RIMS2: variants seen among roughly 807,000 people sequenced by gnomAD.
The protein encoded by RIMS2 is regulating synaptic membrane exocytosis 2.
A neutral mutation model predicts 174.4 loss-of-function variants in RIMS2; 59 were observed. That is an observed-to-expected ratio of 0.34 (90% confidence interval 0.27 to 0.42). RIMS2 has a LOEUF of 0.42. RIMS2 is among the 10% of genes least tolerant of loss of function. RIMS2 has a pLI of 1.00. For missense variants in RIMS2, 1,620 were observed against 1,666.3 expected, an observed-to-expected ratio of 0.97 and a Z score of 0.48; for synonymous variants, 606 against 572.5, an observed-to-expected ratio of 1.06 and a Z score of -0.84.
intron 2 of RIMS2, among the ~76,000 whole-genome samples, chr8:103,759,732 G>T (rs1178404589): frequency 2.6e-5 from 4 of 152,158 alleles, no homozygotes; most frequent in African/African-American, 9.7e-5. Flanking sequence ...AGAAGAAGCT[G>T]CAGAATAGAC....
chr8:103,536,150 A>C (rs1034112879), intron 1 of RIMS2, among the ~76,000 whole-genome samples: 6 of 152,162 alleles, frequency 3.9e-5, no homozygotes, highest in Non-Finnish European at 5.9e-5. Flanking sequence ...TTTTCTGGGA[A>C]TGGAAACTGC....
At chr8:103,913,385 G>C (rs563465372) in intron 6 of RIMS2, among the ~76,000 whole-genome samples, 2 of 152,020 alleles carry the variant, frequency 1.3e-5, no homozygotes, top group South Asian at 4.1e-4. Context: ...AGTGGGCTGT[G>C]ATCACACCAC....
At chr8:104,096,900 A>G (rs1402081790) in intron 19 of RIMS2, among the ~76,000 whole-genome samples, 1 of 151,978 alleles carries the variant, frequency 6.6e-6, no homozygotes, top group Admixed American at 6.6e-5. Context: ...AAAAAGAAAA[A>G]GAAAATGTTG....
At chr8:103,764,930 C>T (rs2098152151) in intron 2 of RIMS2, among the ~76,000 whole-genome samples, 1 of 151,920 alleles carries the variant, frequency 6.6e-6, no homozygotes, top group Middle Eastern at 3.4e-3. Context: ...AATGAAAGAA[C>T]AAAATAATAA....
At chr8:103,802,950 C>G (rs1220469343) in intron 3 of RIMS2, among the ~76,000 whole-genome samples, 3 of 152,144 alleles carry the variant, frequency 2.0e-5, no homozygotes. Flanking sequence ...TTAAATTGGT[C>G]AATTCATAAT....
chr8:103,758,932 G>T (rs557061763), intron 2 of RIMS2, among the ~76,000 whole-genome samples: 20 of 152,282 alleles, frequency 1.3e-4, no homozygotes, highest in African/African-American at 4.8e-4. Context: ...TCGATGAAAT[G>T]GGAAGACTGA....
intron 19 of RIMS2, among the ~76,000 whole-genome samples, chr8:104,169,666 A>G (rs1055366008): frequency 2.0e-5 from 3 of 151,348 alleles, no homozygotes; most frequent in African/African-American, 7.3e-5. Flanking sequence ...TTTTTGTTTC[A>G]GTTTCACTTA....
intron 1 of RIMS2, among the ~76,000 whole-genome samples, chr8:103,591,687 G>A (rs1322534627): frequency 2.0e-5 from 3 of 151,048 alleles, no homozygotes; most frequent in African/African-American, 7.3e-5. Flanking sequence ...CCTCAATGGA[G>A]TGCTTCAGTG....
chr8:104,158,214 G>A (rs531949992), intron 19 of RIMS2, among the ~76,000 whole-genome samples: 103 of 152,184 alleles, frequency 6.8e-4, no homozygotes, highest in East Asian at 5.2e-3. Flanking sequence ...ATGTCCCTGC[G>A]AAGGACATGA....
Position 104,224,583 on chromosome 8 carries a change from A to T in RIMS2, c.3335-20333A>T, listed in dbSNP as rs761978661. ...ATTAATTTACTGATACACTAGTTGC[A>T]AACTGTGTTCATTTTTAGATGTATA... On this transcript the variant is annotated intron_variant, in intron 19 of 23. Transcript: ENST00000504942. 7.9e-5 allele frequency among the ~76,000 whole-genome samples: 12 copies of T among 152,352 alleles called. No homozygotes were observed. The East Asian group carries it at 1.3e-3, about 17-fold the overall frequency.
chr8:104,177,295 T>C (rs2098907571), intron 19 of RIMS2, among the ~76,000 whole-genome samples: 1 of 152,128 alleles, frequency 6.6e-6, no homozygotes, highest in African/African-American at 2.4e-5. Context: ...AATAGTGTGG[T>C]GATGGTGCCT....
Position 104,244,906 on chromosome 8 carries a change from A to T in RIMS2, c.3335-10A>T, listed in dbSNP as rs779249372. On this transcript the variant is annotated splice_polypyrimidine_tract_variant and intron_variant, in intron 19 of 23. Coordinates refer to ENST00000504942, the Ensembl canonical transcript of RIMS2. ...CAAAGCTGTTACACTTTTTGTTTCT[A>T]TCTCTGCAGAAGCAGGAGGTAAAAA... 2 of 1,610,892 alleles carry T rather than the reference A, an allele frequency of 1.2e-6. No homozygotes were observed. The highest frequency in any genetic ancestry group is 1.7e-4 in the Middle Eastern group (1 of 6,034).
intron 1 of RIMS2, among the ~76,000 whole-genome samples, chr8:103,681,165 A>C (rs2096875378): frequency 6.6e-6 from 1 of 152,032 alleles, no homozygotes; most frequent in Admixed American, 6.6e-5. Context: ...TTGGAACAAC[A>C]CTAAATTTGG....
intron 19 of RIMS2, among the ~76,000 whole-genome samples, chr8:104,222,938 G>A (rs1463064130): frequency 1.3e-5 from 2 of 152,138 alleles, no homozygotes; most frequent in African/African-American, 2.4e-5. Context: ...AAAAGAGAAA[G>A]CTTTAATTGT....
chr8:103,789,011 T>G (rs2098470764), intron 3 of RIMS2, among the ~76,000 whole-genome samples: 2 of 152,190 alleles, frequency 1.3e-5, no homozygotes, highest in South Asian at 2.1e-4. Context: ...AGCGCAGTAT[T>G]CGGGTGGGAG....
chr8:103,701,976 G>A (rs1397198546), intron 2 of RIMS2, among the ~76,000 whole-genome samples: 1 of 151,838 alleles, frequency 6.6e-6, no homozygotes, highest in Admixed American at 6.6e-5. Context: ...ATCATATGGT[G>A]GTTCTATTTT....
At chr8:103,910,090 T>A in intron 4 of RIMS2, 1 of 1,249,348 alleles carries the variant, frequency 8.0e-7, no homozygotes, top group Non-Finnish European at 1.2e-6. Context: ...CTGTCCCTTT[T>A]TTCACCATCT....
At chr8:103,733,649 G>T (rs950964558) in intron 2 of RIMS2, among the ~76,000 whole-genome samples, 5 of 152,186 alleles carry the variant, frequency 3.3e-5, no homozygotes, top group African/African-American at 1.2e-4. Flanking sequence ...TTCTTCTGTG[G>T]GTGGTAGCTG....
At chr8:103,788,636 C>G (rs1454309902) in intron 3 of RIMS2, among the ~76,000 whole-genome samples, 1 of 152,062 alleles carries the variant, frequency 6.6e-6, no homozygotes, top group Admixed American at 6.6e-5. Flanking sequence ...GTTCTCAGAT[C>G]TCCAGCTGCG....
Sources: allele counts gnomAD v4.1 joint callset (sites outside exome capture counted in the v4.1 genomes callset), GRCh38; gene constraint gnomAD v4.1.1; transcripts MANE v1.5; gene names NCBI Gene and HGNC (gene_info 2026-07-23, HGNC 2026-07-21).